The following PALLD variants were observed in gnomAD, a reference collection of about 807,000 sequenced individuals.
The protein encoded by PALLD is palladin, cytoskeletal associated protein.
PALLD carries 61 observed loss-of-function variants against 123.5 expected under a neutral mutation model. That is an observed-to-expected ratio of 0.49 (90% CI 0.40 to 0.61). The LOEUF is 0.61. PALLD is among the 20% of genes least tolerant of loss of function. The probability of loss-of-function intolerance (pLI) is 0.00; values close to 1 mark genes in which losing one functional copy is unlikely to be tolerated. For missense variants in PALLD, 1,273 were observed against 1,377.0 expected (o/e 0.92, Z 1.20); for synonymous variants, 465 against 496.4 (o/e 0.94, Z 0.84).
chr4:168,629,140 C>G (rs949668270), intron 2 of PALLD, among the ~76,000 whole-genome samples: 1 of 151,918 alleles, frequency 6.6e-6, no homozygotes, highest in African/African-American at 2.4e-5. Context: ...CCTCAGCCTC[C>G]CAAGTAGCTG....
intron 8 of PALLD, among the ~76,000 whole-genome samples, chr4:168,704,325 A>G (rs1581056510): frequency 6.6e-6 from 1 of 152,216 alleles, no homozygotes; most frequent in Non-Finnish European, 1.5e-5. Flanking sequence ...AGGCATGGAC[A>G]ATTTTTAATT....
At chr4:168,624,779 G>C (rs116200772) in intron 2 of PALLD, among the ~76,000 whole-genome samples, 1,896 of 152,220 alleles carry the variant, frequency 0.012, 49 homozygotes, top group African/African-American at 0.043. Context: ...TATCCAGCTA[G>C]AAGATGTAAT....
intron 10 of PALLD, among the ~76,000 whole-genome samples, chr4:168,834,835 A>G (rs73864653): frequency 0.085 from 12,977 of 152,234 alleles, 1,037 homozygotes; most frequent in African/African-American, 0.21. Context: ...CTCATGAACT[A>G]TATTATTTGG....
chr4:168,549,869 A>T (rs1165244278), intron 2 of PALLD, among the ~76,000 whole-genome samples: 2 of 152,316 alleles, frequency 1.3e-5, no homozygotes, highest in Non-Finnish European at 1.5e-5. Context: ...CTATAGTAGC[A>T]TTTAGCAAAA....
At chr4:168,540,367 A>G (rs1765499734) in intron 2 of PALLD, among the ~76,000 whole-genome samples, 1 of 152,188 alleles carries the variant, frequency 6.6e-6, no homozygotes, top group Admixed American at 6.5e-5. Context: ...TGTGCCTGTT[A>G]CAGTCATTGT....
At chr4:168,615,633 G>C (rs1034648672) in intron 2 of PALLD, among the ~76,000 whole-genome samples, 3 of 152,116 alleles carry the variant, frequency 2.0e-5, no homozygotes, top group African/African-American at 7.2e-5. Flanking sequence ...GTTCCACCAA[G>C]GGATCCTCAG....
chr4:168,585,816 T>C (rs1440115163), intron 2 of PALLD, among the ~76,000 whole-genome samples: 3 of 152,154 alleles, frequency 2.0e-5, no homozygotes, highest in Non-Finnish European at 4.4e-5. Context: ...CAGAGTTAGC[T>C]TGGGGAATCT....
At chr4:168,568,365 G>A (rs908275598) in intron 2 of PALLD, among the ~76,000 whole-genome samples, 2 of 151,872 alleles carry the variant, frequency 1.3e-5, no homozygotes, top group Admixed American at 1.3e-4. Context: ...GGTCATTAAA[G>A]GCATATTGAA....
chr4:168,856,941 T>A (rs1226687821), intron 10 of PALLD, among the ~76,000 whole-genome samples: 1 of 152,250 alleles, frequency 6.6e-6, no homozygotes, highest in Non-Finnish European at 1.5e-5. Flanking sequence ...TGGGAAACAG[T>A]GAGGACCATC....
chr4:168,734,197 T>C (rs973706448), intron 10 of PALLD, among the ~76,000 whole-genome samples: 1 of 152,200 alleles, frequency 6.6e-6, no homozygotes, highest in African/African-American at 2.4e-5. Flanking sequence ...GTGTTAACTA[T>C]GGCAACTCAT....
At chr4:168,884,072 C>T (rs1434318788) in intron 10 of PALLD, among the ~76,000 whole-genome samples, 2 of 152,044 alleles carry the variant, frequency 1.3e-5, no homozygotes, top group African/African-American at 4.8e-5. Flanking sequence ...TTACATTAAA[C>T]TCTAACATAG....
intron 10 of PALLD, among the ~76,000 whole-genome samples, chr4:168,750,289 G>T (rs1467608773): frequency 6.6e-6 from 1 of 152,144 alleles, no homozygotes; most frequent in Admixed American, 6.5e-5. Flanking sequence ...TTAGTTTTCT[G>T]TGCCTGTATT....
At chr4:168,602,721 AC>A (rs1189267309) in intron 2 of PALLD, among the ~76,000 whole-genome samples, 2 of 152,196 alleles carry the variant, frequency 1.3e-5, no homozygotes, top group African/African-American at 4.8e-5. Flanking sequence ...CTGCAGAAAA[AC>A]ATGGTTCCTG....
chr4:168,562,240 A>C (rs531523655), intron 2 of PALLD, among the ~76,000 whole-genome samples: 1 of 152,292 alleles, frequency 6.6e-6, no homozygotes, highest in South Asian at 2.1e-4. Flanking sequence ...TGCCTTTTAT[A>C]TTTCTGGCAC....
At chr4:168,816,817 CGT>C (rs61010592) in intron 10 of PALLD, among the ~76,000 whole-genome samples, 2,808 of 110,846 alleles carry the variant, frequency 0.025, 47 homozygotes, top group East Asian at 0.058. Flanking sequence ...GAGCTAGCCC[CGT>C]GTGTGTGTGT....
intron 2 of PALLD, among the ~76,000 whole-genome samples, chr4:168,537,113 C>T (rs774824020): frequency 2.6e-5 from 4 of 152,168 alleles, no homozygotes; most frequent in African/African-American, 4.8e-5. Context: ...CGTGAGCCAC[C>T]GCGCCCAGCG....
Position 168,924,351 on chromosome 4 carries a change from G to A in PALLD, c.3155G>A (p.Gly1052Glu). ...YPVRLECRVL[G>E]VPPPQIFWKK... ...GTGCGGCTGGAATGTCGTGTATTGG[G>A]AGTGCCACCACCTCAGATATTTTGG... Residue 1052 changes from glycine to glutamate, a missense_variant, in exon 19 of 22, where the codon GGA (glycine) becomes GAA (glutamate). Gly to Glu is a moderately conservative substitution (Grantham distance 98). Around this residue, in one of 2 missense-constraint regions of PALLD, gnomAD observed 329 missense variants for 422.5 expected, o/e 0.78. Transcript: ENST00000505667. 6.2e-7 allele frequency: 1 copy of A among 1,613,974 alleles called. No homozygotes were observed. The highest frequency in any genetic ancestry group is 1.3e-5 in the African/African-American group (1 of 75,040).
chr4:168,621,435 C>T (rs1446167244), intron 2 of PALLD, among the ~76,000 whole-genome samples: 2 of 152,196 alleles, frequency 1.3e-5, no homozygotes, highest in Non-Finnish European at 2.9e-5. Context: ...CCGCTGGGGC[C>T]GCTACGTGAC....
chr4:168,766,806 G>A (rs981794921), intron 10 of PALLD, among the ~76,000 whole-genome samples: 4 of 152,318 alleles, frequency 2.6e-5, no homozygotes, highest in African/African-American at 9.6e-5. Flanking sequence ...GTCATTTAAA[G>A]TTGTTTTTCT....
Sources: gnomAD v4.1 joint callset for allele counts (sites outside exome capture counted in the v4.1 genomes callset) on GRCh38, gnomAD v4.1.1 for gene constraint, gnomAD v4.1.1 regional missense constraint, MANE v1.5 for transcripts, NCBI Gene and HGNC (gene_info 2026-07-23, HGNC 2026-07-21) for gene names.